The following PEBP4 variants were observed in gnomAD, a reference collection of about 807,000 sequenced individuals.
PEBP4 encodes the protein phosphatidylethanolamine binding protein 4.
In PEBP4, 22 loss-of-function variants were observed where a neutral mutation model predicts 23.9. The ratio of observed to expected loss-of-function variants is 0.92; its 90% confidence interval spans 0.66 to 1.31. The LOEUF is 1.31. PEBP4 is among the 40% of genes most tolerant of loss of function. The probability of loss-of-function intolerance (pLI) is 0.00; values close to 1 mark genes in which losing one functional copy is unlikely to be tolerated. For synonymous variants in PEBP4, 112 were observed against 99.3 expected, an observed-to-expected ratio of 1.13 and a Z score of -0.76; for missense variants, 324 against 281.7, an observed-to-expected ratio of 1.15 and a Z score of -1.07.
At chr8:22,843,472 T>C (rs1807367676) in intron 3 of PEBP4, among the ~76,000 whole-genome samples, 4 of 152,190 alleles carry the variant, frequency 2.6e-5, no homozygotes, top group African/African-American at 9.7e-5. Context: ...CTAAGTGTCA[T>C]ACACAGGCTT....
intron 4 of PEBP4, among the ~76,000 whole-genome samples, chr8:22,741,366 G>A (rs1804990691): frequency 1.3e-5 from 2 of 152,208 alleles, no homozygotes; most frequent in Admixed American, 6.5e-5. Flanking sequence ...GCCTGCTGGG[G>A]TCCAAGGCCC....
intron 3 of PEBP4, among the ~76,000 whole-genome samples, chr8:22,829,509 C>A (rs1367458420): frequency 6.6e-6 from 1 of 152,156 alleles, no homozygotes; most frequent in Non-Finnish European, 1.5e-5. Flanking sequence ...ATAGTAAGTT[C>A]TTCAAGATCT....
chr8:22,798,814 T>C (rs997159561), intron 4 of PEBP4, among the ~76,000 whole-genome samples: 1 of 138,996 alleles, frequency 7.2e-6, no homozygotes, highest in Admixed American at 8.0e-5. Context: ...CTCAGCTCAC[T>C]GCAACCTCTG....
intron 3 of PEBP4, among the ~76,000 whole-genome samples, chr8:22,842,811 G>C (rs1347149101): frequency 1.3e-5 from 2 of 152,078 alleles, no homozygotes; most frequent in Non-Finnish European, 2.9e-5. Context: ...GATACTTTTT[G>C]AACTACAGGC....
At chr8:22,795,098 C>A (rs1259584395) in intron 4 of PEBP4, among the ~76,000 whole-genome samples, 2 of 123,306 alleles carry the variant, frequency 1.6e-5, no homozygotes, top group Non-Finnish European at 3.3e-5. Flanking sequence ...CCAGTGCCTA[C>A]TTTTAAATTA....
chr8:22,821,481 G>T (rs1431672036), intron 3 of PEBP4, among the ~76,000 whole-genome samples: 1 of 152,126 alleles, frequency 6.6e-6, no homozygotes, highest in Non-Finnish European at 1.5e-5. Flanking sequence ...TGGATATTAG[G>T]GGTAGCAAAG....
chr8:22,762,093 G>T (rs1177733192), intron 4 of PEBP4, among the ~76,000 whole-genome samples: 1 of 145,778 alleles, frequency 6.9e-6, no homozygotes, highest in African/African-American at 2.5e-5. Flanking sequence ...TATTGTGCCA[G>T]AAAAAAAAAT....
intron 3 of PEBP4, among the ~76,000 whole-genome samples, chr8:22,846,648 C>T (rs1807443606): frequency 6.6e-6 from 1 of 152,078 alleles, no homozygotes; most frequent in South Asian, 2.1e-4. Flanking sequence ...TCACTGATCC[C>T]CAAAGCATCT....
intron 3 of PEBP4, among the ~76,000 whole-genome samples, chr8:22,902,941 G>A (rs1380555039): frequency 6.6e-6 from 1 of 152,194 alleles, no homozygotes; most frequent in Non-Finnish European, 1.5e-5. Context: ...TAGGGGTTGG[G>A]GAGTGGGGTG....
At position 22,865,939 on chromosome 8, in the gene PEBP4, G is replaced by A. The variant is rs1314897774; in HGVS notation, c.259-48204C>T. On this transcript the variant is annotated intron_variant, in intron 3 of 6. Coordinates refer to ENST00000256404, the MANE Select transcript of PEBP4 (RefSeq NM_144962.3). This position sits in a 1 kb window ranked among gnomAD's most constrained non-coding sequence, Gnocchi z 6.9. Reference sequence around the variant, plus strand: ...GACACGCGCCTCGAGGTGTGGCCCGGCGCCGGGCGGTGCTGCCCGGAGAGC... The same window carrying A: ...GACACGCGCCTCGAGGTGTGGCCCGACGCCGGGCGGTGCTGCCCGGAGAGC... 6.6e-6 allele frequency among the ~76,000 whole-genome samples: 1 copy of A among 151,896 alleles called. No individual in the cohort carries two copies. The highest frequency in any genetic ancestry group is 1.5e-5 in the Non-Finnish European group (1 of 67,906).
At chr8:22,730,234 C>T (rs1804703156) in intron 4 of PEBP4, among the ~76,000 whole-genome samples, 1 of 152,172 alleles carries the variant, frequency 6.6e-6, no homozygotes. Context: ...GATTTTAGCT[C>T]TTCTAAAATA....
At chr8:22,918,943 ATGTGCACG>A (rs1262143756) in intron 3 of PEBP4, among the ~76,000 whole-genome samples, 8 of 151,680 alleles carry the variant, frequency 5.3e-5, no homozygotes, top group Non-Finnish European at 1.2e-4. Context: ...ATGTGCACAC[ATGTGCACG>A]TGTGCACTTT....
At chr8:22,779,792 A>G (rs1805881347) in intron 4 of PEBP4, among the ~76,000 whole-genome samples, 1 of 152,144 alleles carries the variant, frequency 6.6e-6, no homozygotes, top group Admixed American at 6.5e-5. Flanking sequence ...GTGATTGGCT[A>G]TTTTTATTTT....
chr8:22,859,347 G>A (rs1807718874), intron 3 of PEBP4, among the ~76,000 whole-genome samples: 1 of 152,100 alleles, frequency 6.6e-6, no homozygotes, highest in African/African-American at 2.4e-5. Context: ...CTATTCAATT[G>A]GAAAAAAGTC....
Position 22,778,756 on chromosome 8 carries a change from G to A in PEBP4, c.357+38881C>T, listed in dbSNP as rs536315694. Among the ~76,000 whole-genome samples, 36 of 152,254 alleles carry A rather than the reference G, an allele frequency of 2.4e-4. No homozygotes were observed. In the East Asian group the frequency reaches 3.1e-3, roughly 13 times the overall value. On this transcript the variant is annotated intron_variant, in intron 4 of 6. Transcript: ENST00000256404. Reference sequence around the variant, plus strand: ...GCTGTCTCGTGGCTGCTGGGCTCCCGGATGGCTCCCCAGCCTTCCTTCTTG... The same window carrying A: ...GCTGTCTCGTGGCTGCTGGGCTCCCAGATGGCTCCCCAGCCTTCCTTCTTG...
At chr8:22,839,305 G>A (rs563207662) in intron 3 of PEBP4, among the ~76,000 whole-genome samples, 1 of 152,294 alleles carries the variant, frequency 6.6e-6, no homozygotes, top group Non-Finnish European at 1.5e-5. Flanking sequence ...AGCTGGGAGG[G>A]GCGGGGCTCT....
At chr8:22,910,101 ACT>A (rs1224610531) in intron 3 of PEBP4, among the ~76,000 whole-genome samples, 1 of 152,076 alleles carries the variant, frequency 6.6e-6, no homozygotes, top group Non-Finnish European at 1.5e-5. Flanking sequence ...GCCCAGCTGC[ACT>A]CTCCTGCTGA....
At chr8:22,809,820 C>T (rs1273577585) in intron 4 of PEBP4, among the ~76,000 whole-genome samples, 1 of 152,196 alleles carries the variant, frequency 6.6e-6, no homozygotes, top group East Asian at 1.9e-4. Context: ...ATATGAGCTA[C>T]AGGAAGAGTA....
chr8:22,876,111 A>C (rs1808116385), intron 3 of PEBP4, among the ~76,000 whole-genome samples: 1 of 152,048 alleles, frequency 6.6e-6, no homozygotes, highest in Non-Finnish European at 1.5e-5. Context: ...GGGTTTCGCC[A>C]TGTTGCCCAG....
Sources: allele counts gnomAD v4.1 joint callset (sites outside exome capture counted in the v4.1 genomes callset), GRCh38; gene constraint gnomAD v4.1.1; non-coding constraint Gnocchi (gnomAD v3.1); transcripts MANE v1.5; gene names NCBI Gene and HGNC (gene_info 2026-07-23, HGNC 2026-07-21).